The following FBXL5 variants were observed in gnomAD, a reference collection of about 807,000 sequenced individuals.
FBXL5 encodes the protein F-box/LRR-repeat protein 5.
In FBXL5, 26 loss-of-function variants were observed where a neutral mutation model predicts 78.3. That is an observed-to-expected ratio of 0.33 (90% CI 0.24 to 0.46). The LOEUF is 0.46. Ranked by LOEUF, FBXL5 falls within the 20% of genes least tolerant of loss-of-function variation. The pLI is 1.00. For synonymous variants in FBXL5, 295 were observed against 282.5 expected (o/e 1.04, Z -0.45); for missense variants, 710 against 829.2 (o/e 0.86, Z 1.77).
chr4:15,618,072 C>A (rs577955851), intron 9 of FBXL5, among the ~76,000 whole-genome samples: 1 of 152,024 alleles, frequency 6.6e-6, no homozygotes, highest in African/African-American at 2.4e-5. Flanking sequence ...ATTTTTTAAA[C>A]GACAAATACA....
At chr4:15,614,365 G>A (rs1311554885) in intron 9 of FBXL5, among the ~76,000 whole-genome samples, 2 of 152,194 alleles carry the variant, frequency 1.3e-5, no homozygotes, top group Non-Finnish European at 1.5e-5. Flanking sequence ...GACTCTGTGA[G>A]GGTCCTTGTT....
chr4:15,655,399 C>T (rs1026374653), upstream of FBXL5: 5 of 1,025,024 alleles, frequency 4.9e-6, no homozygotes, highest in South Asian at 1.4e-4. Context: ...GCCCCGTCGG[C>T]GCGCGCGCCC....
intron 1 of FBXL5, among the ~76,000 whole-genome samples, chr4:15,665,205 C>A (rs1717487150): frequency 6.6e-6 from 1 of 152,098 alleles, no homozygotes; most frequent in African/African-American, 2.4e-5. Flanking sequence ...TTATTTGTGA[C>A]ATATTGTTAA....
upstream of FBXL5, among the ~76,000 whole-genome samples, chr4:15,664,730 GTAT>G (rs970869794): frequency 6.6e-6 from 1 of 151,494 alleles, no homozygotes; most frequent in Non-Finnish European, 1.5e-5. Flanking sequence ...GCTAACTTTT[GTAT>G]TTTTTAGTAG....
intron 9 of FBXL5, among the ~76,000 whole-genome samples, chr4:15,613,928 C>T (rs1711526328): frequency 6.6e-6 from 1 of 152,010 alleles, no homozygotes; most frequent in Non-Finnish European, 1.5e-5. Flanking sequence ...TTCTGATTTC[C>T]TCTTTCCGGC....
chr4:15,622,787 A>C (rs1031817832), intron 9 of FBXL5, among the ~76,000 whole-genome samples: 3 of 152,220 alleles, frequency 2.0e-5, no homozygotes, highest in Non-Finnish European at 4.4e-5. Context: ...CTGCACTCAG[A>C]CAAGACTTTT....
At chr4:15,618,790 C>G (rs1052136504) in intron 9 of FBXL5, among the ~76,000 whole-genome samples, 10 of 152,224 alleles carry the variant, frequency 6.6e-5, no homozygotes, top group Admixed American at 6.5e-4. Context: ...TACAGTTGAG[C>G]CAAGATTGTG....
intron 1 of FBXL5, among the ~76,000 whole-genome samples, chr4:15,649,593 AAAAAG>A (rs1263707053): frequency 1.8e-4 from 27 of 151,640 alleles, no homozygotes; most frequent in African/African-American, 5.8e-4. Flanking sequence ...AAAAAAAAAA[AAAAAG>A]AAAGAAAGAA....
At chr4:15,627,404 A>T (rs1713178578) in intron 7 of FBXL5, among the ~76,000 whole-genome samples, 1 of 152,134 alleles carries the variant, frequency 6.6e-6, no homozygotes, top group Admixed American at 6.5e-5. Flanking sequence ...AAGTGCTGGG[A>T]TTACAGGCAT....
intron 10 of FBXL5, among the ~76,000 whole-genome samples, chr4:15,610,090 C>T (rs1441136888): frequency 6.6e-6 from 1 of 151,996 alleles, no homozygotes; most frequent in African/African-American, 2.4e-5. Context: ...TATTAAAACA[C>T]ACTACTTTCA....
intron 1 of FBXL5, among the ~76,000 whole-genome samples, chr4:15,675,127 C>T (rs1192642036): frequency 6.6e-6 from 1 of 151,814 alleles, no homozygotes; most frequent in Non-Finnish European, 1.5e-5. Flanking sequence ...TGTAACCAGG[C>T]TTGTAGAAGA....
upstream of FBXL5, among the ~76,000 whole-genome samples, chr4:15,655,670 C>CGTG (rs1161210072): frequency 6.6e-6 from 1 of 152,242 alleles, no homozygotes; most frequent in Non-Finnish European, 1.5e-5. Flanking sequence ...CTGCCCTGCC[C>CGTG]ACCACGGCCT....
chr4:15,655,150 C>G, intron 1 of FBXL5, 54 bp downstream of exon 1: 1 of 1,307,738 alleles, frequency 7.6e-7, no homozygotes, highest in Non-Finnish European at 1.0e-6. Flanking sequence ...GAACCCAGCC[C>G]GCTCCCCATC....
intron 4 of FBXL5, among the ~76,000 whole-genome samples, chr4:15,637,917 A>G (rs1577460794): frequency 1.3e-5 from 2 of 148,544 alleles, no homozygotes; most frequent in Admixed American, 6.8e-5. Context: ...AAAAAAAAAA[A>G]GGCAGCACGT....
At chr4:15,657,507 CAAA>C (rs1437744483), upstream of FBXL5, among the ~76,000 whole-genome samples, 1 of 152,018 alleles carries the variant, frequency 6.6e-6, no homozygotes, top group East Asian at 1.9e-4. Context: ...GCAACAACAA[CAAA>C]AAAAGTCCAT....
chr4:15,653,368 G>A (rs887346026), intron 1 of FBXL5, among the ~76,000 whole-genome samples: 4 of 152,068 alleles, frequency 2.6e-5, no homozygotes, highest in Non-Finnish European at 5.9e-5. Context: ...TCAACCACCA[G>A]GAAGAGACAG....
chr4:15,655,720 C>T (rs1479138504), upstream of FBXL5, among the ~76,000 whole-genome samples: 3 of 152,208 alleles, frequency 2.0e-5, no homozygotes, highest in Admixed American at 6.5e-5. Flanking sequence ...CGGTCAGGGC[C>T]GCGAGCTCTG....
intron 1 of FBXL5, among the ~76,000 whole-genome samples, chr4:15,648,282 T>A (rs2148690838): frequency 6.6e-6 from 1 of 152,302 alleles, no homozygotes; most frequent in Non-Finnish European, 1.5e-5. Context: ...TAAAATATCA[T>A]TAGAAAGGAA....
chr4:15,606,770 A>G (rs760917629), intron 10 of FBXL5, among the ~76,000 whole-genome samples: 4 of 152,242 alleles, frequency 2.6e-5, no homozygotes, highest in Non-Finnish European at 4.4e-5. Flanking sequence ...TACATGAAAT[A>G]TAATTTTACT....
Sources: allele counts gnomAD v4.1 joint callset (sites outside exome capture counted in the v4.1 genomes callset), GRCh38; gene constraint gnomAD v4.1.1; transcripts MANE v1.5; gene names NCBI Gene and HGNC (gene_info 2026-07-23, HGNC 2026-07-21).